The following ATF6 variants were observed in gnomAD, a reference collection of about 807,000 sequenced individuals.
ATF6 encodes cyclic AMP-dependent transcription factor ATF-6 alpha.
ATF6 carries 53 observed loss-of-function variants against 83.6 expected under a neutral mutation model. The ratio of observed to expected loss-of-function variants is 0.63; its 90% CI spans 0.51 to 0.80. The LOEUF (loss-of-function observed/expected upper bound fraction) is 0.80. Ranked by LOEUF, ATF6 falls within the 30% of genes least tolerant of loss-of-function variation. The pLI, the probability that ATF6 is intolerant of heterozygous loss-of-function variation, is 0.00. For missense variants in ATF6, 744 were observed against 797.9 expected (o/e 0.93, Z 0.81); for synonymous variants, 288 against 285.8 (o/e 1.01, Z -0.08).
chr1:161,804,963 G>T (rs1685243078), intron 7 of ATF6, among the ~76,000 whole-genome samples: 1 of 151,624 alleles, frequency 6.6e-6, no homozygotes, highest in Admixed American at 6.6e-5. Flanking sequence ...AAATATATAG[G>T]TCAAGAGTAT....
At chr1:161,822,715 A>AT (rs1685797109) in intron 9 of ATF6, among the ~76,000 whole-genome samples, 1 of 152,200 alleles carries the variant, frequency 6.6e-6, no homozygotes, top group Non-Finnish European at 1.5e-5. Context: ...CATGAAGGAA[A>AT]GGTACATGAT....
At chr1:161,805,262 T>A (rs998827990) in intron 7 of ATF6, among the ~76,000 whole-genome samples, 4 of 152,154 alleles carry the variant, frequency 2.6e-5, no homozygotes, top group Non-Finnish European at 5.9e-5. Context: ...TTAAAAATAC[T>A]TTAAATTTAC....
At chr1:161,859,969 T>C (rs564201038) in intron 12 of ATF6, among the ~76,000 whole-genome samples, 21 of 152,284 alleles carry the variant, frequency 1.4e-4, no homozygotes, top group Admixed American at 1.3e-3. Context: ...TTTGGGCTCT[T>C]TCTTTAAACT....
In ATF6 at chr1:161,807,846, G is replaced by A. The variant is rs1004025429; in HGVS notation, c.909+5574G>A. ...CAGCATTCTTTATTCTGTACTTTTTGTACTTTTTAGTTTGTCATCTTTTTT... is the reference window on the plus strand; with the variant it reads ...CAGCATTCTTTATTCTGTACTTTTTATACTTTTTAGTTTGTCATCTTTTTT... On this transcript the variant is annotated intron_variant, in intron 7 of 15. Transcript: ENST00000367942. Among the ~76,000 whole-genome samples the A allele has an allele frequency of 5.9e-5, 3 of 51,150 alleles. 1 individual carries two copies. The highest frequency in any genetic ancestry group is 1.3e-4 in the Non-Finnish European group (3 of 23,676). The allele number at this position is 51,150 out of a possible 152,430, so 33.6% of individuals were successfully genotyped here. A position where few individuals can be genotyped will look rare whatever the true frequency, so the allele number is the denominator to read the frequency against.
chr1:161,867,260 A>T (rs1291053144), intron 14 of ATF6, among the ~76,000 whole-genome samples: 1 of 151,834 alleles, frequency 6.6e-6, no homozygotes, highest in African/African-American at 2.4e-5. Context: ...GCGCCACTGC[A>T]CTCCAGCCTG....
intron 14 of ATF6, among the ~76,000 whole-genome samples, chr1:161,881,357 G>A (rs1165089236): frequency 1.3e-5 from 2 of 152,082 alleles, no homozygotes; most frequent in East Asian, 1.9e-4. Context: ...TCAGCTCCTC[G>A]TGGGATGCCG....
chr1:161,848,290 A>G (rs904611154), intron 10 of ATF6, among the ~76,000 whole-genome samples: 1 of 152,134 alleles, frequency 6.6e-6, no homozygotes, highest in African/African-American at 2.4e-5. Context: ...TTTGTGAAAC[A>G]TTTGAAAGCA....
At chr1:161,884,635 T>G (rs1219965660) in intron 14 of ATF6, among the ~76,000 whole-genome samples, 1 of 152,158 alleles carries the variant, frequency 6.6e-6, no homozygotes, top group East Asian at 1.9e-4. Context: ...ATTACGTTCC[T>G]GGCTGTTAAC....
intron 14 of ATF6, among the ~76,000 whole-genome samples, chr1:161,898,509 T>C (rs528828165): frequency 2.6e-5 from 4 of 152,208 alleles, no homozygotes; most frequent in African/African-American, 9.6e-5. Context: ...AGTTATATAG[T>C]ACTCATTGTA....
chr1:161,807,239 T>A (rs1163414227), intron 7 of ATF6, among the ~76,000 whole-genome samples: 1 of 152,164 alleles, frequency 6.6e-6, no homozygotes, highest in African/African-American at 2.4e-5. Flanking sequence ...CTATTTGCAA[T>A]GCATAGCAAC....
At chr1:161,825,388 C>T (rs1035491966) in intron 9 of ATF6, among the ~76,000 whole-genome samples, 1 of 152,196 alleles carries the variant, frequency 6.6e-6, no homozygotes, top group Non-Finnish European at 1.5e-5. Context: ...CAGGCTCCCA[C>T]AGGTTAAGGG....
intron 14 of ATF6, among the ~76,000 whole-genome samples, chr1:161,908,376 C>T (rs549691008): frequency 1.3e-5 from 2 of 152,240 alleles, no homozygotes; most frequent in African/African-American, 4.8e-5. Flanking sequence ...CTGTGTTATA[C>T]ACTAATATTC....
intron 14 of ATF6, among the ~76,000 whole-genome samples, chr1:161,893,419 G>A (rs1687600493): frequency 6.6e-6 from 1 of 152,168 alleles, no homozygotes; most frequent in African/African-American, 2.4e-5. Context: ...GCCAGCCTCA[G>A]CCTCCTAAAG....
At chr1:161,917,059 G>C (rs1688115480) in intron 15 of ATF6, among the ~76,000 whole-genome samples, 1 of 152,030 alleles carries the variant, frequency 6.6e-6, no homozygotes, top group African/African-American at 2.4e-5. Flanking sequence ...TGTTATGTTC[G>C]CCACTTACCA....
chr1:161,924,541 G>C (rs927046131), intron 15 of ATF6, among the ~76,000 whole-genome samples: 15 of 152,172 alleles, frequency 9.9e-5, no homozygotes, highest in Non-Finnish European at 1.9e-4. Context: ...ACTCAACCAA[G>C]TATCCATAGA....
intron 14 of ATF6, among the ~76,000 whole-genome samples, chr1:161,884,701 C>T (rs1457824793): frequency 1.3e-5 from 2 of 152,032 alleles, no homozygotes; most frequent in Non-Finnish European, 2.9e-5. Flanking sequence ...TTCCAGAGCC[C>T]ACATTCTAGA....
At chr1:161,925,877 G>T (rs1688301526) in intron 15 of ATF6, among the ~76,000 whole-genome samples, 1 of 152,154 alleles carries the variant, frequency 6.6e-6, no homozygotes, top group South Asian at 2.1e-4. Flanking sequence ...TCTGAGCATA[G>T]GGAACAGTAT....
chr1:161,902,315 C>T (rs1687802952), intron 14 of ATF6, among the ~76,000 whole-genome samples: 1 of 152,106 alleles, frequency 6.6e-6, no homozygotes. Context: ...TATGTTCTTG[C>T]CCTTTCATCA....
At chr1:161,858,801 G>C (rs1686818586) in intron 12 of ATF6, among the ~76,000 whole-genome samples, 1 of 152,132 alleles carries the variant, frequency 6.6e-6, no homozygotes, top group Non-Finnish European at 1.5e-5. Context: ...TAGTTAATTG[G>C]TATAAATCTT....
Sources: allele counts gnomAD v4.1 joint callset (sites outside exome capture counted in the v4.1 genomes callset), GRCh38; gene constraint gnomAD v4.1.1; transcripts MANE v1.5; gene names NCBI Gene and HGNC (gene_info 2026-07-23, HGNC 2026-07-21).